The following PRSS12 variants were observed in gnomAD, a reference collection of about 807,000 sequenced individuals.
PRSS12 encodes the protein serine protease 12, also known as neurotrypsin.
In PRSS12, 85 loss-of-function variants were observed where a neutral mutation model predicts 104.4. The ratio of observed to expected loss-of-function variants is 0.81; its 90% CI spans 0.68 to 0.98. PRSS12 has a LOEUF of 0.98. PRSS12 is among the 50% of genes least tolerant of loss of function. PRSS12 has a pLI of 0.00. For synonymous variants in PRSS12, 454 were observed against 425.2 expected (o/e 1.07, Z -0.83); for missense variants, 1,141 against 1,139.2 (o/e 1.00, Z -0.02).
intron 1 of PRSS12, among the ~76,000 whole-genome samples, chr4:118,344,671 A>C (rs1332035516): frequency 1.3e-5 from 2 of 152,174 alleles, no homozygotes; most frequent in Non-Finnish European, 2.9e-5. Flanking sequence ...TGAGAAAAAA[A>C]ATCAGTTGGT....
intron 4 of PRSS12, among the ~76,000 whole-genome samples, chr4:118,324,875 C>T (rs1364160855): frequency 6.6e-6 from 1 of 151,880 alleles, no homozygotes; most frequent in Admixed American, 6.6e-5. Context: ...ACCACACCCA[C>T]TAATTTTTGA....
At chr4:118,335,722 G>A in intron 2 of PRSS12, 71 bp from the exon 3 acceptor site, 4 of 1,372,086 alleles carry the variant, frequency 2.9e-6, no homozygotes, top group South Asian at 1.2e-5. Flanking sequence ...ATTTGGATTT[G>A]AAAAAAAATG....
rs1742822008 is a variant in PRSS12 at position 118,280,666 on chromosome 4, G to A, written c.*1270C>T. The A allele has an allele frequency of 1.3e-5, 2 of 152,248 alleles. No homozygotes were observed. Among genetic ancestry groups the A allele is most frequent in the African/African-American group, 2.4e-5 (1 of 41,462 alleles). 9.4% of individuals were successfully genotyped at this position (152,248 alleles called of 1,614,324 possible). On this transcript the variant is annotated 3_prime_UTR_variant, in exon 13 of 13. Coordinates refer to ENST00000296498, the MANE Select transcript of PRSS12 (RefSeq NM_003619.4). Reference sequence around the variant, plus strand: ...GATCCATGACATGGAAGTATCTTGAGTGTGCCTTTTAAATTTGAGCATTAC... The same window carrying A: ...GATCCATGACATGGAAGTATCTTGAATGTGCCTTTTAAATTTGAGCATTAC...
intron 3 of PRSS12, 41 bp downstream of exon 3, chr4:118,335,432 A>G (rs1300430497): frequency 2.5e-6 from 4 of 1,606,936 alleles, no homozygotes; most frequent in African/African-American, 2.7e-5. Context: ...CGTTTAAAAC[A>G]TAATGAAAGT....
intron 10 of PRSS12, 134 bp downstream of exon 10, chr4:118,295,644 A>C: frequency 1.2e-6 from 1 of 833,192 alleles, no homozygotes; most frequent in Non-Finnish European, 2.0e-6. Flanking sequence ...TGAAATTATC[A>C]GTGAAATCTG....
At chr4:118,328,858 A>C (rs1578930223) in intron 4 of PRSS12, among the ~76,000 whole-genome samples, 1 of 152,018 alleles carries the variant, frequency 6.6e-6, no homozygotes, top group Non-Finnish European at 1.5e-5. Flanking sequence ...CAGTGGTGCA[A>C]TCGTGGCTCA....
In PRSS12 at chr4:118,334,315, GA is replaced by G. The variant is rs899861593; in HGVS notation, c.820+1157del. On this transcript the variant is annotated intron_variant, in intron 3 of 12. Coordinates refer to ENST00000296498, the MANE Select transcript of PRSS12 (RefSeq NM_003619.4). ...AGTAAAAAATGTAGATAGATATCCT[GA>G]AAAAAAATTATAATTATTTTTAAAA... Among the ~76,000 whole-genome samples the G allele has an allele frequency of 3.7e-3, 563 of 151,676 alleles. 7 individuals carry two copies. The highest frequency in any genetic ancestry group is 0.013 in the African/African-American group (532 of 41,384).
intron 1 of PRSS12, among the ~76,000 whole-genome samples, chr4:118,345,043 C>A (rs1284316227): frequency 1.3e-5 from 2 of 152,156 alleles, no homozygotes; most frequent in African/African-American, 4.8e-5. Context: ...ATTCTTCTGA[C>A]ACCTCACCCA....
chr4:118,324,585 G>A (rs751782075), intron 4 of PRSS12, among the ~76,000 whole-genome samples: 4 of 152,028 alleles, frequency 2.6e-5, no homozygotes, highest in Non-Finnish European at 4.4e-5. Flanking sequence ...AACTTGGCCC[G>A]TTCCTTAAAG....
At chr4:118,297,926 T>C (rs1578907093) in intron 9 of PRSS12, among the ~76,000 whole-genome samples, 1 of 151,914 alleles carries the variant, frequency 6.6e-6, no homozygotes, top group Non-Finnish European at 1.5e-5. Flanking sequence ...TCATCTGAGG[T>C]CAGGAGTTCT....
At chr4:118,301,661 T>C (rs1383685508) in intron 8 of PRSS12, among the ~76,000 whole-genome samples, 1 of 152,238 alleles carries the variant, frequency 6.6e-6, no homozygotes. Context: ...GACTTAGGTT[T>C]TTCACATAGG....
intron 8 of PRSS12, chr4:118,306,146 T>C (rs1360495414): frequency 6.6e-6 from 1 of 152,220 alleles, no homozygotes; most frequent in East Asian, 1.9e-4. Flanking sequence ...ACTGTTTCCA[T>C]ATTACTTTCC....
At position 118,352,215 on chromosome 4, in the gene PRSS12, T is replaced by C; in HGVS notation, c.502+4A>G. ...GTTTCCGCGGCCGCCCCGAGGCCACTAACCGTGTCTGCAGTCGCAGTAGCC... is the reference window on the plus strand; with the variant it reads ...GTTTCCGCGGCCGCCCCGAGGCCACCAACCGTGTCTGCAGTCGCAGTAGCC... On this transcript the variant is annotated splice_donor_region_variant and intron_variant, in intron 1 of 12. Transcript: ENST00000296498. The C allele has an allele frequency of 2.5e-6, 4 of 1,611,486 alleles. No homozygotes were observed. Among genetic ancestry groups the C allele is most frequent in the Admixed American group, 1.7e-5 (1 of 59,880 alleles).
chr4:118,282,964 C>T lies in PRSS12; in HGVS notation c.2187G>A (p.Leu729=). The change falls in exon 12 of 13, where the codon CTG becomes CTA. Residue 729 remains leucine, a synonymous_variant. Transcript: ENST00000296498. ...RPDRSDYDIA[L]VRLQGPEEQC... ...GCTCTTCTGGTCCTTGTAATCTAAC[C>T]AGGGCTATGTCATAATCACTGCGGT... is the stretch of plus-strand genomic sequence containing the variant. The T allele has an allele frequency of 6.2e-7, 1 of 1,614,156 alleles. No individual in the cohort carries two copies. Among genetic ancestry groups the T allele is most frequent in the Non-Finnish European group, 8.5e-7 (1 of 1,180,020 alleles).
At chr4:118,330,864 C>A (rs1428516405) in intron 4 of PRSS12, among the ~76,000 whole-genome samples, 14 of 151,812 alleles carry the variant, frequency 9.2e-5, no homozygotes, top group Admixed American at 9.2e-4. Flanking sequence ...TTAAAAATTA[C>A]AAAAAAATTG....
At chr4:118,347,178 A>G (rs746896801) in intron 1 of PRSS12, among the ~76,000 whole-genome samples, 2 of 152,236 alleles carry the variant, frequency 1.3e-5, no homozygotes, top group Non-Finnish European at 2.9e-5. Context: ...TGAGCTCAAT[A>G]TTTAAAATCA....
intron 11 of PRSS12, among the ~76,000 whole-genome samples, chr4:118,292,021 A>G (rs923536270): frequency 2.0e-5 from 3 of 152,052 alleles, no homozygotes; most frequent in African/African-American, 7.2e-5. Flanking sequence ...ACACGCGTAT[A>G]CCTATGTAAC....
At chr4:118,339,704 C>CTTG (rs1724152231) in intron 1 of PRSS12, among the ~76,000 whole-genome samples, 1 of 152,142 alleles carries the variant, frequency 6.6e-6, no homozygotes. Context: ...AAGAGGAAGT[C>CTTG]CTGCCTAGCT....
chr4:118,298,449 T>C (rs919869579), intron 9 of PRSS12, among the ~76,000 whole-genome samples: 1 of 152,110 alleles, frequency 6.6e-6, no homozygotes. Context: ...GAGAGCTTTA[T>C]TACATCTAAA....
Sources: allele counts gnomAD v4.1 joint callset (sites outside exome capture counted in the v4.1 genomes callset), GRCh38; gene constraint gnomAD v4.1.1; transcripts MANE v1.5; gene names NCBI Gene and HGNC (gene_info 2026-07-23, HGNC 2026-07-21).